Variants in RNF180 observed in about 807,000 individuals in gnomAD.
The protein encoded by RNF180 is E3 ubiquitin-protein ligase RNF180.
Under a neutral mutation model 59.2 loss-of-function variants are expected in RNF180, and 38 were observed. The ratio of observed to expected loss-of-function variants is 0.64; its 90% confidence interval spans 0.50 to 0.84. The LOEUF is 0.84. Among genes scored for constraint, RNF180 ranks in the 40% least tolerant of loss-of-function variants. The pLI, the probability that RNF180 is intolerant of heterozygous loss-of-function variation, is 0.00. For synonymous variants in RNF180, 262 were observed against 240.3 expected (o/e 1.09, Z -0.84); for missense variants, 705 against 700.9 (o/e 1.01, Z -0.07).
intron 5 of RNF180, among the ~76,000 whole-genome samples, chr5:64,244,074 A>G (rs1270119043): frequency 1.3e-5 from 2 of 152,130 alleles, no homozygotes; most frequent in African/African-American, 2.4e-5. Flanking sequence ...TCACGTAGAA[A>G]CCCCATCCAA....
chr5:64,298,879 G>C (rs1304158430), intron 5 of RNF180, among the ~76,000 whole-genome samples: 2 of 151,986 alleles, frequency 1.3e-5, no homozygotes, highest in Non-Finnish European at 2.9e-5. Context: ...CTAAAGCTCA[G>C]CTGCTATAGC....
At chr5:64,245,132 A>T (rs1743073038) in intron 5 of RNF180, among the ~76,000 whole-genome samples, 1 of 152,202 alleles carries the variant, frequency 6.6e-6, no homozygotes, top group African/African-American at 2.4e-5. Context: ...CCGCTGCAAA[A>T]ACATACCAAA....
chr5:64,185,368 C>G (rs1405206009), intron 1 of RNF180, among the ~76,000 whole-genome samples: 1 of 152,026 alleles, frequency 6.6e-6, no homozygotes, highest in Non-Finnish European at 1.5e-5. Flanking sequence ...AAAAGTACTG[C>G]TTTATCTCAT....
At chr5:64,294,084 T>A (rs1282213778) in intron 5 of RNF180, among the ~76,000 whole-genome samples, 2 of 152,208 alleles carry the variant, frequency 1.3e-5, no homozygotes. Flanking sequence ...AATTGTAGAC[T>A]TCTTTTCTAA....
intron 7 of RNF180, among the ~76,000 whole-genome samples, chr5:64,361,925 C>CA (rs902181517): frequency 6.6e-6 from 1 of 150,656 alleles, no homozygotes; most frequent in East Asian, 2.0e-4. Flanking sequence ...ATTTGGTGGA[C>CA]AAAAAAAATC....
intron 5 of RNF180, among the ~76,000 whole-genome samples, chr5:64,259,037 G>T (rs982677940): frequency 2.6e-5 from 4 of 152,124 alleles, no homozygotes; most frequent in Non-Finnish European, 4.4e-5. Flanking sequence ...TATATTGTTT[G>T]TTTGTTTGTT....
chr5:64,346,174 C>T (rs1482679708), intron 7 of RNF180, among the ~76,000 whole-genome samples: 1 of 151,376 alleles, frequency 6.6e-6, no homozygotes, highest in African/African-American at 2.4e-5. Flanking sequence ...CAAAATAAGA[C>T]CATTATTATG....
intron 4 of RNF180, among the ~76,000 whole-genome samples, chr5:64,214,841 T>C (rs1226381508): frequency 1.3e-5 from 2 of 152,214 alleles, no homozygotes; most frequent in Non-Finnish European, 2.9e-5. Context: ...TAGGATTGTT[T>C]TGCAGCGGTT....
intron 2 of RNF180, among the ~76,000 whole-genome samples, chr5:64,211,424 A>G (rs1752304512): frequency 6.6e-6 from 1 of 152,154 alleles, no homozygotes; most frequent in Non-Finnish European, 1.5e-5. Context: ...TAAAGTTTAT[A>G]AGGACAGTTT....
At chr5:64,280,275 T>C (rs548018189) in intron 5 of RNF180, among the ~76,000 whole-genome samples, 1 of 152,300 alleles carries the variant, frequency 6.6e-6, no homozygotes, top group Admixed American at 6.5e-5. Context: ...GTCTGATTAG[T>C]CTATTGATTG....
intron 5 of RNF180, among the ~76,000 whole-genome samples, chr5:64,227,328 G>A (rs1741829491): frequency 6.6e-6 from 1 of 152,164 alleles, no homozygotes; most frequent in Admixed American, 6.5e-5. Context: ...CCCCACCATG[G>A]GTGCAGGGGC....
intron 5 of RNF180, among the ~76,000 whole-genome samples, chr5:64,308,776 T>A (rs754229467): frequency 2.6e-5 from 4 of 151,730 alleles, no homozygotes. Flanking sequence ...ACTAAAGTCT[T>A]AGAGATAACG....
In RNF180 at chr5:64,246,654, G is replaced by T. The variant is rs565211654; in HGVS notation, c.1227+29258G>T. On this transcript the variant is annotated intron_variant, in intron 5 of 7. Transcript: ENST00000389100. Reference sequence around the variant, plus strand: ...AACCAAAAAAAGCCCAGGACCAGATGGATTCACATCTGAATTCTACCAGAG... The same window carrying T: ...AACCAAAAAAAGCCCAGGACCAGATTGATTCACATCTGAATTCTACCAGAG... Among the ~76,000 whole-genome samples, 524 of 152,226 alleles carry T rather than the reference G, an allele frequency of 3.4e-3. 2 individuals are homozygous for T. The highest frequency in any genetic ancestry group is 0.011 in the African/African-American group (476 of 41,544).
Position 64,320,179 on chromosome 5 carries a change from A to G in RNF180, c.1228-5007A>G, listed in dbSNP as rs192930912. ...TAGAGCCACAGGTGTGAACATTATA[A>G]TTGTTACTAGATAACCTGCTAAATT... On this transcript the variant is annotated intron_variant, in intron 5 of 7. Transcript: ENST00000389100. Among the ~76,000 whole-genome samples the G allele has an allele frequency of 6.4e-4, 97 of 152,322 alleles. 1 individual carries two copies. The highest frequency in any genetic ancestry group is 2.3e-3 in the African/African-American group (95 of 41,570).
At chr5:64,316,026 G>C (rs1239530130) in intron 5 of RNF180, among the ~76,000 whole-genome samples, 1 of 152,066 alleles carries the variant, frequency 6.6e-6, no homozygotes, top group African/African-American at 2.4e-5. Flanking sequence ...CACACCATCA[G>C]TACAATTGCC....
intron 5 of RNF180, among the ~76,000 whole-genome samples, chr5:64,314,109 C>T (rs1743920064): frequency 6.6e-6 from 1 of 152,058 alleles, no homozygotes; most frequent in African/African-American, 2.4e-5. Flanking sequence ...TCTGTTTACT[C>T]TGTTTAACAA....
chr5:64,285,477 G>T (rs561501096), intron 5 of RNF180, among the ~76,000 whole-genome samples: 14 of 150,820 alleles, frequency 9.3e-5, no homozygotes, highest in Middle Eastern at 6.8e-3. Context: ...GCAAGTGCAT[G>T]CCAGCAAAGT....
intron 5 of RNF180, among the ~76,000 whole-genome samples, chr5:64,245,253 A>G (rs549578999): frequency 3.3e-5 from 5 of 152,364 alleles, no homozygotes; most frequent in African/African-American, 1.2e-4. Flanking sequence ...GACAGGATCA[A>G]ATTCACACAT....
chr5:64,342,040 C>T (rs1290348656), intron 7 of RNF180, among the ~76,000 whole-genome samples: 3 of 151,938 alleles, frequency 2.0e-5, no homozygotes, highest in Non-Finnish European at 2.9e-5. Context: ...CTGAGTACAA[C>T]GAGAAAACAA....
Sources: allele counts gnomAD v4.1 joint callset (sites outside exome capture counted in the v4.1 genomes callset), GRCh38; gene constraint gnomAD v4.1.1; transcripts MANE v1.5; gene names NCBI Gene and HGNC (gene_info 2026-07-23, HGNC 2026-07-21).